The following GREB1L variants were observed in gnomAD, a reference collection of about 807,000 sequenced individuals.
GREB1L encodes GREB1 like retinoic acid receptor coactivator.
GREB1L carries 17 observed loss-of-function variants against 200.8 expected under a neutral mutation model. The observed-to-expected ratio is 0.08, with a 90% CI of 0.06 to 0.13. The LOEUF is 0.13. Among genes scored for constraint, GREB1L ranks in the 10% least tolerant of loss-of-function variants. The pLI is 1.00. For synonymous variants in GREB1L, 789 were observed against 893.0 expected, an observed-to-expected ratio of 0.88 and a Z score of 2.08; for missense variants, 1,657 against 2,367.7, an observed-to-expected ratio of 0.70 and a Z score of 6.23.
chr18:21,357,266 ATGGTCTCTATC>A (rs2039518400), intron 1 of GREB1L, among the ~76,000 whole-genome samples: 1 of 152,110 alleles, frequency 6.6e-6, no homozygotes, highest in South Asian at 2.1e-4. Flanking sequence ...GTTAGCCAGG[ATGGTCTCTATC>A]TCCTGACCTC....
At chr18:21,337,935 C>A (rs761878540) in intron 1 of GREB1L, among the ~76,000 whole-genome samples, 1 of 151,664 alleles carries the variant, frequency 6.6e-6, no homozygotes, top group Non-Finnish European at 1.5e-5. Context: ...TGCAGTGAGC[C>A]GAGATCGCAC....
chr18:21,293,619 T>G (rs1341460215), intron 1 of GREB1L, among the ~76,000 whole-genome samples: 1 of 151,264 alleles, frequency 6.6e-6, no homozygotes, highest in Non-Finnish European at 1.5e-5. Flanking sequence ...TACTAATAAT[T>G]AATCCCTTTT....
chr18:21,271,288 C>G (rs1351209491), intron 1 of GREB1L, among the ~76,000 whole-genome samples: 2 of 152,034 alleles, frequency 1.3e-5, no homozygotes, highest in African/African-American at 4.8e-5. Context: ...ATGCACTCTT[C>G]TTTCATGCAT....
chr18:21,515,642 C>T lies in GREB1L; in HGVS notation c.5127C>T (p.Asn1709=), dbSNP rs757983096. Residue 1709 remains asparagine, a splice_region_variant and synonymous_variant, in exon 29 of 33, where the codon AAC becomes AAT. Transcript: ENST00000424526. ...DLTQNVQYDF[N]RYFCEDADFN... ...CTCAGAATGTGCAGTATGACTTCAACAGGTAAGTCAGGCCTCATGGATGCA... is the reference window on the plus strand; with the variant it reads ...CTCAGAATGTGCAGTATGACTTCAATAGGTAAGTCAGGCCTCATGGATGCA... The T allele has an allele frequency of 1.3e-5, 20 of 1,545,060 alleles. No homozygotes were observed. Among genetic ancestry groups the T allele is most frequent in the African/African-American group, 2.7e-5 (2 of 72,928 alleles).
chr18:21,405,727 C>T (rs1249976483), intron 7 of GREB1L, among the ~76,000 whole-genome samples: 6 of 152,030 alleles, frequency 3.9e-5, no homozygotes, highest in African/African-American at 9.7e-5. Context: ...CTTGTACCCA[C>T]GAGGTGGAAG....
chr18:21,424,241 G>A (rs2032387472), intron 7 of GREB1L, among the ~76,000 whole-genome samples: 1 of 152,110 alleles, frequency 6.6e-6, no homozygotes. Context: ...ATTTTCCCTG[G>A]TTTATAATTT....
rs555587383 is a variant in GREB1L at position 21,444,347 on chromosome 18, G to T, written c.1331G>T (p.Gly444Val). 6 of 1,552,238 alleles carry T rather than the reference G, an allele frequency of 3.9e-6. No individual in the cohort carries two copies. Among genetic ancestry groups the T allele is most frequent in the Middle Eastern group, 1.7e-4 (1 of 5,996 alleles). Reference protein sequence around the residue: ...NKDLEKLGLTGSQFLSVENMI... With the variant: ...NKDLEKLGLTVSQFLSVENMI... Reference sequence around the variant, plus strand: ...GATTTGGAAAAATTAGGGTTGACCGGCAGCCAATTTCTGAGCGTGGAAAAC... The same window carrying T: ...GATTTGGAAAAATTAGGGTTGACCGTCAGCCAATTTCTGAGCGTGGAAAAC... The change falls in exon 11 of 33, where the codon GGC (glycine) becomes GTC (valine). Residue 444 changes from glycine to valine, a missense_variant. By Grantham distance (109) the Gly-to-Val change is moderately radical. Transcript: ENST00000424526.
At position 21,419,296 on chromosome 18, in the gene GREB1L, G is replaced by A. The variant is rs529346008; in HGVS notation, c.832+15302G>A. On this transcript the variant is annotated intron_variant, in intron 7 of 32. Transcript: ENST00000424526. ...AAAATTGTCTTTATTCATAGACCAC[G>A]TGATTGTCTATGTAGAAGACCCAAT... 1.6e-4 allele frequency among the ~76,000 whole-genome samples: 25 copies of A among 152,308 alleles called. 2 individuals are homozygous for A. In the East Asian group the frequency reaches 4.1e-3, roughly 25 times the overall value.
At chr18:21,321,702 C>CA (rs916425309) in intron 1 of GREB1L, among the ~76,000 whole-genome samples, 9 of 151,556 alleles carry the variant, frequency 5.9e-5, no homozygotes, top group African/African-American at 1.7e-4. Context: ...AAAACAAAAA[C>CA]AAAAAAAATG....
At chr18:21,307,976 G>C (rs1181245671) in intron 1 of GREB1L, among the ~76,000 whole-genome samples, 1 of 152,134 alleles carries the variant, frequency 6.6e-6, no homozygotes, top group Admixed American at 6.5e-5. Context: ...TTAGTACCCC[G>C]ATACCATGTG....
intron 18 of GREB1L, among the ~76,000 whole-genome samples, chr18:21,486,515 A>T (rs1432054493): frequency 6.6e-6 from 1 of 152,192 alleles, no homozygotes; most frequent in Non-Finnish European, 1.5e-5. Context: ...TTTGAAGTAT[A>T]CACTGGAAGA....
chr18:21,249,141 CT>C (rs200780006), intron 1 of GREB1L, among the ~76,000 whole-genome samples: 128 of 146,940 alleles, frequency 8.7e-4, no homozygotes, highest in South Asian at 2.1e-3. Context: ...ATTGTAGAAT[CT>C]TTTTTTTTTT....
intron 1 of GREB1L, among the ~76,000 whole-genome samples, chr18:21,344,836 C>G (rs2039321278): frequency 6.6e-6 from 1 of 152,218 alleles, no homozygotes; most frequent in Non-Finnish European, 1.5e-5. Context: ...TGTTCCTACT[C>G]TTGAGTTGGT....
intron 15 of GREB1L, among the ~76,000 whole-genome samples, chr18:21,460,419 C>T (rs1451221715): frequency 6.6e-6 from 1 of 152,144 alleles, no homozygotes; most frequent in Non-Finnish European, 1.5e-5. Flanking sequence ...AGACTTGGCT[C>T]ACTGCAACCT....
At chr18:21,291,883 C>A (rs974729402) in intron 1 of GREB1L, among the ~76,000 whole-genome samples, 1 of 152,144 alleles carries the variant, frequency 6.6e-6, no homozygotes, top group African/African-American at 2.4e-5. Flanking sequence ...ATAACAAAAA[C>A]CACTGTAAAG....
intron 16 of GREB1L, among the ~76,000 whole-genome samples, chr18:21,476,386 A>G (rs1466244351): frequency 3.3e-5 from 5 of 152,054 alleles, no homozygotes; most frequent in Admixed American, 1.3e-4. Context: ...TGAAGAAAGG[A>G]AGGGAGGGAG....
chr18:21,483,096 G>C (rs2035985927), intron 17 of GREB1L, among the ~76,000 whole-genome samples: 1 of 152,106 alleles, frequency 6.6e-6, no homozygotes, highest in Admixed American at 6.5e-5. Flanking sequence ...AACCCATACT[G>C]GCTCTAGTTA....
In GREB1L at chr18:21,383,632, C is replaced by G; in HGVS notation, c.114C>G (p.Ser38=). The G allele has an allele frequency of 1.3e-6, 2 of 1,551,348 alleles. No homozygotes were observed. The highest frequency in any genetic ancestry group is 2.0e-5 in the Admixed American group (1 of 50,902). ...CSSVVPRPIF[S]QLYLDPDQHP... ...GTGTGGTACCACGGCCAATTTTTTC[C>G]CAGCTATACCTGGACCCTGACCAGC... Residue 38 remains serine (S), a synonymous_variant, in exon 3 of 33, where the codon TCC becomes TCG. Coordinates refer to ENST00000424526, the MANE Select transcript of GREB1L (RefSeq NM_001142966.3).
Position 21,449,693 on chromosome 18 carries a change from T to C in GREB1L, c.1577T>C (p.Val526Ala), listed in dbSNP as rs1488664688. 4.5e-6 allele frequency: 7 copies of C among 1,551,592 alleles called. No homozygotes were observed. Among genetic ancestry groups the C allele is most frequent in the Non-Finnish European group, 6.1e-6 (7 of 1,147,000 alleles). Residue 526 changes from valine to alanine, a missense_variant, in exon 12 of 33, where the codon GTG becomes GCG. Val to Ala is a moderately conservative substitution (Grantham distance 64). This residue lies in a region of GREB1L where 239 missense variants were observed against 421.8 expected (regional missense o/e 0.57). Coordinates refer to ENST00000424526, the MANE Select transcript of GREB1L (RefSeq NM_001142966.3). ...SVSQDLVHVVVTQNSLAEGIS... is the reference protein window; with the variant it reads ...SVSQDLVHVVATQNSLAEGIS... ...TCTCAAGACTTGGTTCATGTGGTTGTGACCCAGAACTCTTTGGCGGAGGGC... is the reference window on the plus strand; with the variant it reads ...TCTCAAGACTTGGTTCATGTGGTTGCGACCCAGAACTCTTTGGCGGAGGGC...
Sources: allele counts gnomAD v4.1 joint callset (sites outside exome capture counted in the v4.1 genomes callset), GRCh38; gene constraint gnomAD v4.1.1; regional missense constraint gnomAD v4.1.1; transcripts MANE v1.5; gene names NCBI Gene and HGNC (gene_info 2026-07-23, HGNC 2026-07-21).